IL2RA: variants seen among roughly 807,000 people sequenced by gnomAD.
IL2RA encodes the protein interleukin-2 receptor subunit alpha.
Under a neutral mutation model 37.8 loss-of-function variants are expected in IL2RA, and 24 were observed. That is an observed-to-expected ratio of 0.63 (90% CI 0.46 to 0.89). The LOEUF (loss-of-function observed/expected upper bound fraction) is 0.89, where lower values mean the gene tolerates loss of function less well. Ranked by LOEUF, IL2RA falls within the 40% of genes least tolerant of loss-of-function variation. IL2RA has a pLI of 0.00. For synonymous variants in IL2RA, 125 were observed against 114.6 expected (o/e 1.09, Z -0.58); for missense variants, 319 against 348.6 (o/e 0.92, Z 0.68).
intron 1 of IL2RA, among the ~76,000 whole-genome samples, chr10:6,050,838 A>G (rs931248799): frequency 6.6e-6 from 1 of 152,182 alleles, no homozygotes; most frequent in Non-Finnish European, 1.5e-5. Flanking sequence ...CTCTTGCACT[A>G]GATTGAAAAC....
At position 6,020,073 on chromosome 10, in the gene IL2RA, C is replaced by CA; in HGVS notation, c.584-133dup. 1 of 724,010 alleles carries CA rather than the reference C, an allele frequency of 1.4e-6. No homozygotes were observed. The highest frequency in any genetic ancestry group is 1.6e-5 in the South Asian group (1 of 64,496). 44.8% of individuals were successfully genotyped at this position (724,010 alleles called of 1,614,324 possible). A position where few individuals can be genotyped will look rare whatever the true frequency, so the allele number is the denominator to read the frequency against. ...AGGAATCCTGGTGTGGGCACTTCGC[C>CA]AGGGATGCCACCCCTCATGGTTCCA... On this transcript the variant is annotated intron_variant, in intron 4 of 7. Transcript: ENST00000379959. The surrounding 1 kb of genome is among the most constrained non-coding windows in gnomAD (Gnocchi z 5.6).
At chr10:6,030,411 G>A (rs1481061383) in intron 1 of IL2RA, among the ~76,000 whole-genome samples, 2 of 152,108 alleles carry the variant, frequency 1.3e-5, no homozygotes, top group African/African-American at 2.4e-5. Context: ...GAAAGGACAC[G>A]TACCTACAGC....
intron 1 of IL2RA, among the ~76,000 whole-genome samples, chr10:6,043,295 AAAAC>A (rs1302897719): frequency 6.6e-6 from 1 of 152,244 alleles, no homozygotes; most frequent in Non-Finnish European, 1.5e-5. Flanking sequence ...TATAAAATAA[AAAAC>A]AAACCAGTAG....
chr10:6,051,029 C>T (rs955025615), intron 1 of IL2RA, among the ~76,000 whole-genome samples: 4 of 151,600 alleles, frequency 2.6e-5, no homozygotes, highest in African/African-American at 9.7e-5. Flanking sequence ...GGAGAGACGG[C>T]TCTTTTATTC....
chr10:6,012,997 T>C lies in IL2RA; in HGVS notation c.795-101A>G, dbSNP rs374930602. The C allele has an allele frequency of 2.7e-6, 3 of 1,124,220 alleles. No individual in the cohort carries two copies. The highest frequency in any genetic ancestry group is 2.5e-5 in the South Asian group (2 of 80,752). The allele number at this position is 1,124,220 out of a possible 1,614,324, so 69.6% of individuals were successfully genotyped here. ...TGCACACGCCACCATGCCTGGCTAA[T>C]TTTTGTATTTTTAGTAGAGATGGGG... On this transcript the variant is annotated intron_variant, in intron 7 of 7. Transcript: ENST00000379959. The surrounding 1 kb of genome is among the most constrained non-coding windows in gnomAD (Gnocchi z 4.8).
chr10:6,052,298 G>A (rs78633484), intron 1 of IL2RA, among the ~76,000 whole-genome samples: 2,787 of 152,206 alleles, frequency 0.018, 87 homozygotes, highest in African/African-American at 0.064. Flanking sequence ...TTTTGCAGGG[G>A]TAATGAACAT....
intron 1 of IL2RA, among the ~76,000 whole-genome samples, chr10:6,037,671 G>A (rs1430903672): frequency 6.6e-6 from 1 of 152,190 alleles, no homozygotes; most frequent in African/African-American, 2.4e-5. Flanking sequence ...GATAGATTCT[G>A]GGTGTCAGAG....
At position 6,035,567 on chromosome 10, in the gene IL2RA, G is replaced by A. The variant is rs1839667098; in HGVS notation, c.65-9542C>T. On this transcript the variant is annotated intron_variant, in intron 1 of 7. Coordinates refer to ENST00000379959, the MANE Select transcript of IL2RA (RefSeq NM_000417.3). This position sits in a 1 kb window ranked among gnomAD's most constrained non-coding sequence, Gnocchi z 5.4. ...ATAAAAGTACTCTGGACACTGTTAAGGTGAGAAAAGAAAAGAAATCGGGGC... is the reference window on the plus strand; with the variant it reads ...ATAAAAGTACTCTGGACACTGTTAAAGTGAGAAAAGAAAAGAAATCGGGGC... Among the ~76,000 whole-genome samples the A allele has an allele frequency of 6.6e-6, 1 of 152,166 alleles. No homozygotes were observed. The highest frequency in any genetic ancestry group is 1.5e-5 in the Non-Finnish European group (1 of 68,044).
intron 1 of IL2RA, chr10:6,039,427 T>C (rs1437607745): frequency 6.6e-6 from 1 of 152,246 alleles, no homozygotes; most frequent in African/African-American, 2.4e-5. Context: ...ATTTTAACAG[T>C]GTCTTCCTTT....
At chr10:6,039,987 G>A (rs970138184) in intron 1 of IL2RA, among the ~76,000 whole-genome samples, 2 of 152,206 alleles carry the variant, frequency 1.3e-5, no homozygotes, top group Non-Finnish European at 2.9e-5. Flanking sequence ...GGCCATTCTG[G>A]CAGAGAATGT....
chr10:6,019,995 C>T, intron 4 of IL2RA, 54 bp from the exon 5 acceptor site: 1 of 1,461,740 alleles, frequency 6.8e-7, no homozygotes, highest in Admixed American at 1.7e-5. Context: ...GTCAGGGCCT[C>T]ACTCCCACCC....
Position 6,028,959 on chromosome 10 carries a change from C to T in IL2RA, c.65-2934G>A, listed in dbSNP as rs150913490. ...GGTTGCAGTCAGCCGAGCACCCCAGCCTGGGTTACAGAGTGAGTGAGAGTC... is the reference window on the plus strand; with the variant it reads ...GGTTGCAGTCAGCCGAGCACCCCAGTCTGGGTTACAGAGTGAGTGAGAGTC... On this transcript the variant is annotated intron_variant, in intron 1 of 7. Coordinates refer to ENST00000379959, the MANE Select transcript of IL2RA (RefSeq NM_000417.3). The surrounding 1 kb of genome is among the most constrained non-coding windows in gnomAD (Gnocchi z 4.1). Among the ~76,000 whole-genome samples, 577 of 148,970 alleles carry T rather than the reference C, an allele frequency of 3.9e-3. 6 individuals carry two copies. Among genetic ancestry groups the T allele is most frequent in the African/African-American group, 0.014 (547 of 40,446 alleles).
At chr10:6,061,330 A>G (rs1488529143) in intron 1 of IL2RA, among the ~76,000 whole-genome samples, 3 of 152,088 alleles carry the variant, frequency 2.0e-5, no homozygotes, top group East Asian at 3.9e-4. Context: ...AGGTTGCAGT[A>G]AGCCAATATC....
At chr10:6,049,714 C>T (rs1292544182) in intron 1 of IL2RA, among the ~76,000 whole-genome samples, 2 of 152,216 alleles carry the variant, frequency 1.3e-5, no homozygotes, top group South Asian at 2.1e-4. Context: ...CTCCCTCCCA[C>T]CACCTTGCTA....
At position 6,025,655 on chromosome 10, in the gene IL2RA, C is replaced by T. The variant is rs944630886; in HGVS notation, c.256+179G>A. 2.7e-5 allele frequency among the ~76,000 whole-genome samples: 4 copies of T among 148,492 alleles called. No individual in the cohort carries two copies. Among genetic ancestry groups the T allele is most frequent in the Non-Finnish European group, 5.9e-5 (4 of 67,296 alleles). ...CCTAGGCAACAGAGTGAGAGTCTGT[C>T]TCCAAAAAAAAAAAAAATTGTGTTT... On this transcript the variant is annotated intron_variant, in intron 2 of 7. Coordinates refer to ENST00000379959, the MANE Select transcript of IL2RA (RefSeq NM_000417.3). The surrounding 1 kb of genome is among the most constrained non-coding windows in gnomAD (Gnocchi z 4.4).
rs1359612813 is a variant in IL2RA at position 6,058,049 on chromosome 10, C to T, written c.64+4039G>A. The stretch of plus-strand genomic sequence containing the variant: ...GGCTGAGGCAGGAGAATCACTTGAA[C>T]CCGGGAGGCAGAGGTTGCAGTGAGC... On this transcript the variant is annotated intron_variant, in intron 1 of 7. Coordinates refer to ENST00000379959, the MANE Select transcript of IL2RA (RefSeq NM_000417.3). This position sits in a 1 kb window ranked among gnomAD's most constrained non-coding sequence, Gnocchi z 4.2. Among the ~76,000 whole-genome samples the T allele has an allele frequency of 6.6e-6, 1 of 152,092 alleles. No individual in the cohort carries two copies. Among genetic ancestry groups the T allele is most frequent in the Non-Finnish European group, 1.5e-5 (1 of 68,022 alleles).
Position 6,025,274 on chromosome 10 carries a change from A to G in IL2RA, c.256+560T>C, listed in dbSNP as rs1839461674. ...GCAGCTGTGGCACAAGATTCACTTG[A>G]ACCCAGGAGGTGGAGGTTGCAGTGA... On this transcript the variant is annotated intron_variant, in intron 2 of 7. Coordinates refer to ENST00000379959, the MANE Select transcript of IL2RA (RefSeq NM_000417.3). This position sits in a 1 kb window ranked among gnomAD's most constrained non-coding sequence, Gnocchi z 4.4. Among the ~76,000 whole-genome samples the G allele has an allele frequency of 6.6e-6, 1 of 152,054 alleles. No individual in the cohort carries two copies. Among genetic ancestry groups the G allele is most frequent in the South Asian group, 2.1e-4 (1 of 4,822 alleles).
chr10:6,034,383 T>C (rs1031388217), intron 1 of IL2RA, among the ~76,000 whole-genome samples: 3 of 151,688 alleles, frequency 2.0e-5, no homozygotes, highest in Admixed American at 6.6e-5. Context: ...GGTAGAAGAG[T>C]GTGTGGAAAG....
Position 6,048,200 on chromosome 10 carries a change from T to G in IL2RA, c.64+13888A>C, listed in dbSNP as rs968353088. On this transcript the variant is annotated intron_variant, in intron 1 of 7. Coordinates refer to ENST00000379959, the MANE Select transcript of IL2RA (RefSeq NM_000417.3). The surrounding 1 kb of genome is among the most constrained non-coding windows in gnomAD (Gnocchi z 5.3). ...GAGTCCTGAGGTGGGTGGTGATAAG[T>G]AAGCAAGAAGAGGGGTTGCTGGCGT... 1.1e-4 allele frequency among the ~76,000 whole-genome samples: 17 copies of G among 152,226 alleles called. No individual in the cohort carries two copies. Among genetic ancestry groups the G allele is most frequent in the African/African-American group, 4.1e-4 (17 of 41,456 alleles).
Sources: gnomAD v4.1 joint callset for allele counts (sites outside exome capture counted in the v4.1 genomes callset) on GRCh38, gnomAD v4.1.1 for gene constraint, Gnocchi (gnomAD v3.1) non-coding constraint, MANE v1.5 for transcripts, NCBI Gene and HGNC (gene_info 2026-07-23, HGNC 2026-07-21) for gene names.